SPATA16: variants seen among roughly 807,000 people sequenced by gnomAD.
SPATA16 encodes the protein spermatogenesis associated 16, also known as spermatogenesis-associated protein 16.
SPATA16 carries 36 observed loss-of-function variants against 63.3 expected under a neutral mutation model. The ratio of observed to expected loss-of-function variants is 0.57; its 90% CI spans 0.44 to 0.75. SPATA16 has a LOEUF of 0.75. Among genes scored for constraint, SPATA16 ranks in the 30% least tolerant of loss-of-function variants. The pLI, the probability that SPATA16 is intolerant of heterozygous loss-of-function variation, is 0.00. For missense variants in SPATA16, 646 were observed against 679.3 expected (o/e 0.95, Z 0.54); for synonymous variants, 203 against 216.7 (o/e 0.94, Z 0.56).
intron 10 of SPATA16, among the ~76,000 whole-genome samples, chr3:172,902,267 C>G (rs1732141373): frequency 6.6e-6 from 1 of 152,142 alleles, no homozygotes; most frequent in Admixed American, 6.5e-5. Flanking sequence ...GCCTCGAACT[C>G]CTGACCTCAG....
chr3:173,021,770 C>A (rs926384987), intron 3 of SPATA16, among the ~76,000 whole-genome samples: 52 of 100,656 alleles, frequency 5.2e-4, no homozygotes, highest in South Asian at 2.0e-3. Context: ...TTATTTATTT[C>A]ATCCACAAGT....
intron 2 of SPATA16, among the ~76,000 whole-genome samples, chr3:173,093,922 A>T (rs891593185): frequency 6.6e-6 from 1 of 152,154 alleles, no homozygotes; most frequent in African/African-American, 2.4e-5. Flanking sequence ...CCCAGTAAGC[A>T]CAGAATACCA....
intron 4 of SPATA16, among the ~76,000 whole-genome samples, chr3:173,012,766 C>G (rs925334306): frequency 6.6e-6 from 1 of 152,114 alleles, no homozygotes; most frequent in Non-Finnish European, 1.5e-5. Flanking sequence ...TCACCATACA[C>G]AAAAATTAAC....
intron 4 of SPATA16, among the ~76,000 whole-genome samples, chr3:172,993,315 T>G: frequency 6.6e-6 from 1 of 152,046 alleles, no homozygotes; most frequent in Non-Finnish European, 1.5e-5. Context: ...TCATCAATAA[T>G]CAAATTTGAA....
intron 4 of SPATA16, among the ~76,000 whole-genome samples, chr3:172,992,646 C>T (rs1734605643): frequency 1.3e-5 from 2 of 152,028 alleles, no homozygotes; most frequent in South Asian, 4.1e-4. Flanking sequence ...CCACTTGATC[C>T]TGGGTAGAAG....
intron 4 of SPATA16, among the ~76,000 whole-genome samples, chr3:173,002,933 G>A (rs1260791276): frequency 1.3e-5 from 2 of 152,132 alleles, no homozygotes; most frequent in African/African-American, 2.4e-5. Context: ...AACTTTAAAG[G>A]AAAAGGGAAA....
chr3:172,941,951 T>G (rs992770078), intron 6 of SPATA16, among the ~76,000 whole-genome samples: 1 of 152,062 alleles, frequency 6.6e-6, no homozygotes, highest in African/African-American at 2.4e-5. Flanking sequence ...TGTTAAGATG[T>G]CTATGTTTAC....
chr3:172,927,898 C>A (rs543620559), intron 6 of SPATA16, among the ~76,000 whole-genome samples: 3 of 151,964 alleles, frequency 2.0e-5, no homozygotes, highest in East Asian at 1.9e-4. Flanking sequence ...GTATTAGATG[C>A]TTCTTCTTCT....
At chr3:172,890,068 A>T (rs1577078823) in intron 10 of SPATA16, among the ~76,000 whole-genome samples, 1 of 152,218 alleles carries the variant, frequency 6.6e-6, no homozygotes, top group African/African-American at 2.4e-5. Flanking sequence ...ATCAACAATA[A>T]GAGTGAAAAC....
At chr3:173,023,137 A>ATGTGTTTGTGTGTGTGTG (rs1553794209) in intron 3 of SPATA16, among the ~76,000 whole-genome samples, 12 of 139,868 alleles carry the variant, frequency 8.6e-5, no homozygotes, top group African/African-American at 3.2e-4. Context: ...ATGCTTGTGT[A>ATGTGTTTGTGTGTGTGTG]TGTGTGTGTG....
intron 6 of SPATA16, among the ~76,000 whole-genome samples, chr3:172,933,006 A>G (rs1577094782): frequency 6.6e-6 from 1 of 152,178 alleles, no homozygotes; most frequent in East Asian, 1.9e-4. Context: ...TACACAGCTC[A>G]TTTCTCTTTC....
At chr3:173,077,213 CTTTT>C (rs1299647464) in intron 2 of SPATA16, among the ~76,000 whole-genome samples, 19 of 152,050 alleles carry the variant, frequency 1.2e-4, no homozygotes, top group African/African-American at 4.6e-4. Flanking sequence ...TCTTTCTACA[CTTTT>C]TTTCTGAATT....
At chr3:173,018,271 C>CA (rs1258574976) in intron 4 of SPATA16, among the ~76,000 whole-genome samples, 2 of 146,626 alleles carry the variant, frequency 1.4e-5, no homozygotes. Flanking sequence ...CTCACAATGT[C>CA]AATTTTTTTT....
intron 1 of SPATA16, among the ~76,000 whole-genome samples, chr3:173,127,065 A>T (rs1010377571): frequency 1.8e-4 from 27 of 152,214 alleles, no homozygotes; most frequent in African/African-American, 6.5e-4. Context: ...TTTTATTTAA[A>T]ATAATTTTAA....
chr3:173,114,262 A>T (rs1032381928), intron 2 of SPATA16, among the ~76,000 whole-genome samples: 6 of 151,928 alleles, frequency 3.9e-5, no homozygotes, highest in African/African-American at 1.5e-4. Context: ...TTATCCTTCA[A>T]TACCTATTTT....
intron 3 of SPATA16, among the ~76,000 whole-genome samples, chr3:173,031,496 C>A (rs887133861): frequency 6.6e-6 from 1 of 151,928 alleles, no homozygotes; most frequent in South Asian, 2.1e-4. Context: ...CCAAAGATGC[C>A]CTATAATGTA....
intron 2 of SPATA16, among the ~76,000 whole-genome samples, chr3:173,049,798 AT>A (rs1179517463): frequency 7.9e-5 from 12 of 152,042 alleles, no homozygotes; most frequent in Middle Eastern, 6.8e-3. Context: ...AAAATAATTA[AT>A]TTTTTTTGGA....
intron 8 of SPATA16, among the ~76,000 whole-genome samples, chr3:172,920,257 A>G (rs1201142734): frequency 6.6e-6 from 1 of 152,222 alleles, no homozygotes; most frequent in African/African-American, 2.4e-5. Context: ...GGGTCAAATT[A>G]GAGAATGTGA....
At chr3:173,118,498 T>G (rs1737969669) in intron 1 of SPATA16, among the ~76,000 whole-genome samples, 1 of 152,214 alleles carries the variant, frequency 6.6e-6, no homozygotes, top group Admixed American at 6.5e-5. Context: ...ATTCCAAGAT[T>G]CTGCATGCTA....
Sources: gnomAD v4.1 joint callset for allele counts (sites outside exome capture counted in the v4.1 genomes callset) on GRCh38, gnomAD v4.1.1 for gene constraint, MANE v1.5 for transcripts, NCBI Gene and HGNC (gene_info 2026-07-23, HGNC 2026-07-21) for gene names.